The following DPEP2 variants were observed in gnomAD, a reference collection of about 807,000 sequenced individuals.
The protein encoded by DPEP2 is dipeptidase 2.
A neutral mutation model predicts 51.8 loss-of-function variants in DPEP2; 45 were observed. That is an observed-to-expected ratio of 0.87 (90% confidence interval 0.68 to 1.11). DPEP2 has a LOEUF of 1.11. DPEP2 is among the 50% of genes most tolerant of loss of function. The pLI is 0.00. For synonymous variants in DPEP2, 255 were observed against 262.7 expected (o/e 0.97, Z 0.28); for missense variants, 604 against 631.9 (o/e 0.96, Z 0.47).
intron 1 of DPEP2, 172 bp from the exon 2 acceptor site, chr16:67,993,429 C>T (rs1458204876): frequency 7.9e-7 from 1 of 1,260,380 alleles, no homozygotes; most frequent in Admixed American, 3.8e-5. Flanking sequence ...CCCAGCCCTC[C>T]CGCCGTCATC....
At position 67,991,055 on chromosome 16, in the gene DPEP2, G is replaced by C; in HGVS notation, c.733-58C>G. ...GGTGCACATGTGTATACATTTATTT[G>C]TAAGAAACAGCTGGGGTGTGCACAT... On this transcript the variant is annotated intron_variant, in intron 6 of 10. Coordinates refer to ENST00000393847, the MANE Select transcript of DPEP2 (RefSeq NM_022355.4). The surrounding 1 kb of genome is among the most constrained non-coding windows in gnomAD (Gnocchi z 5.1). 6.2e-7 allele frequency: 1 copy of C among 1,614,022 alleles called. No homozygotes were observed. The highest frequency in any genetic ancestry group is 8.5e-7 in the Non-Finnish European group (1 of 1,179,894).
upstream of DPEP2, among the ~76,000 whole-genome samples, chr16:68,000,170 G>A (rs1035433477): frequency 2.0e-5 from 3 of 152,154 alleles, no homozygotes; most frequent in African/African-American, 7.2e-5. Flanking sequence ...GCCAGGATAG[G>A]AAATCTTGCT....
intron 2 of DPEP2, 62 bp from the exon 3 acceptor site, chr16:67,992,698 G>A (rs1416004972): frequency 4.4e-6 from 7 of 1,578,444 alleles, no homozygotes; most frequent in Non-Finnish European, 6.0e-6. Context: ...TAGCCCTCCA[G>A]TTCAGGAAGG....
At chr16:67,996,030 G>T (rs1433565670) in intron 1 of DPEP2, among the ~76,000 whole-genome samples, 1 of 151,912 alleles carries the variant, frequency 6.6e-6, no homozygotes, top group Non-Finnish European at 1.5e-5. Flanking sequence ...CCATGAATAT[G>T]TGCAAATTAT....
In DPEP2 at chr16:67,992,300, A is replaced by ATGTAATGTACTGCTTCTTCCACAGGG. The variant is rs1381821068; in HGVS notation, c.391-133_391-108dup. 5.4e-6 allele frequency: 8 copies of ATGTAATGTACTGCTTCTTCCACAGGG among 1,488,702 alleles called. No homozygotes were observed. The East Asian group carries it at 1.8e-4, about 34-fold the overall frequency. 92.2% of individuals were successfully genotyped at this position (1,488,702 alleles called of 1,614,324 possible). ...AGCACCCAGTGGGCCAGGAGGCCAC[A>ATGTAATGTACTGCTTCTTCCACAGGG]TGTAATGTACTGCTTCTTCCACAGG... On this transcript the variant is annotated intron_variant, in intron 3 of 10. Coordinates refer to ENST00000393847, the MANE Select transcript of DPEP2 (RefSeq NM_022355.4).
chr16:67,995,951 G>A (rs373677916), intron 1 of DPEP2, among the ~76,000 whole-genome samples: 6 of 151,764 alleles, frequency 4.0e-5, no homozygotes, highest in African/African-American at 1.2e-4. Flanking sequence ...ATGACAGAGC[G>A]AGACCCTGTC....
At position 67,993,434 on chromosome 16, in the gene DPEP2, G is replaced by A. The variant is rs1598274896; in HGVS notation, c.-45-177C>T. 5.5e-6 allele frequency: 7 copies of A among 1,261,434 alleles called. No individual in the cohort carries two copies. The African/African-American group carries it at 7.8e-5, about 14-fold the overall frequency. 78.1% of individuals were successfully genotyped at this position (1,261,434 alleles called of 1,614,324 possible). A position where few individuals can be genotyped will look rare whatever the true frequency, so the allele number is the denominator to read the frequency against. Reference sequence around the variant, plus strand: ...CCAGGGGGCGCCCAGCCCTCCCGCCGTCATCCCCAAGGGCGCTCCCGCCGG... The same window carrying A: ...CCAGGGGGCGCCCAGCCCTCCCGCCATCATCCCCAAGGGCGCTCCCGCCGG... On this transcript the variant is annotated intron_variant, in intron 1 of 10. Transcript: ENST00000393847.
intron 1 of DPEP2, among the ~76,000 whole-genome samples, chr16:67,996,219 T>C (rs966547004): frequency 4.8e-5 from 7 of 147,232 alleles, no homozygotes; most frequent in Non-Finnish European, 1.0e-4. Context: ...TTTTTTTTTT[T>C]AGAGACAGGG....
rs1236835964 is a variant in DPEP2, at chr16:67,992,633, G to A, written c.267C>T (p.His89=). The change falls in exon 3 of 11, where the codon CAC becomes CAT. Residue 89 remains histidine, a synonymous_variant. Coordinates refer to ENST00000393847, the MANE Select transcript of DPEP2 (RefSeq NM_022355.4). ...LMRDFPLVDG[H]NDLPLVLRQV... is the part of the protein sequence containing the mutation. ...GCCTTAGGACCAGGGGCAGGTCGTT[G>A]TGGCTGGAGGGATGTCAAGCCAGGG... 5 of 1,612,812 alleles carry A rather than the reference G, an allele frequency of 3.1e-6. No individual in the cohort carries two copies. In the African/African-American group the frequency reaches 5.3e-5, roughly 17 times the overall value.
chr16:67,989,956 T>G, intron 8 of DPEP2, 91 bp downstream of exon 8: 2 of 1,377,526 alleles, frequency 1.5e-6, no homozygotes, highest in Non-Finnish European at 2.0e-6. Flanking sequence ...ACTGCATTTT[T>G]TTCAGTGAAA....
intron 3 of DPEP2, 105 bp from the exon 4 acceptor site, chr16:67,992,298 A>G (rs1313732746): frequency 6.7e-7 from 1 of 1,491,554 alleles, no homozygotes. Context: ...CCAGGAGGCC[A>G]CATGTAATGT....
At chr16:67,993,803 G>T (rs2032483794) in intron 1 of DPEP2, 7 of 985,674 alleles carry the variant, frequency 7.1e-6, no homozygotes, top group Non-Finnish European at 8.4e-6. Context: ...CTCTGGAAAT[G>T]AGGGGTTAAC....
At chr16:67,996,252 G>A (rs920392532) in intron 1 of DPEP2, among the ~76,000 whole-genome samples, 3 of 150,696 alleles carry the variant, frequency 2.0e-5, no homozygotes, top group African/African-American at 7.3e-5. Context: ...GCCCAGGCTG[G>A]TCAATTATTA....
intron 1 of DPEP2, among the ~76,000 whole-genome samples, chr16:67,997,763 G>C (rs559227599): frequency 1.3e-5 from 2 of 152,332 alleles, no homozygotes; most frequent in South Asian, 4.1e-4. Context: ...AGGGGGAGAA[G>C]CAGTGGGAAC....
At chr16:67,994,268 A>C (rs1598276996) in intron 1 of DPEP2, 1 of 985,328 alleles carries the variant, frequency 1.0e-6, no homozygotes. Context: ...AAGCCCTGCC[A>C]CCTGGGTTCT....
chr16:67,992,731 C>T (rs770417065), intron 2 of DPEP2, 95 bp from the exon 3 acceptor site: 4 of 1,546,638 alleles, frequency 2.6e-6, no homozygotes, highest in South Asian at 2.5e-5. Flanking sequence ...ATCCCCATCC[C>T]TCATTGTCAC....
Position 67,991,520 on chromosome 16 carries a change from G to A in DPEP2, c.662+318C>T. ...AGCCTCCTGAGTATCTGGGATTATA[G>A]GCACGCACCACCACACCTGGCTAAT... On this transcript the variant is annotated intron_variant, in intron 5 of 10. Transcript: ENST00000393847. This position sits in a 1 kb window ranked among gnomAD's most constrained non-coding sequence, Gnocchi z 5.1. 1 of 514,982 alleles carries A rather than the reference G, an allele frequency of 1.9e-6. No individual in the cohort carries two copies. Among genetic ancestry groups the A allele is most frequent in the Non-Finnish European group, 3.5e-6 (1 of 288,530 alleles). 31.9% of individuals were successfully genotyped at this position (514,982 alleles called of 1,614,324 possible).
rs2031568836 is a variant in DPEP2 at position 67,987,710 on chromosome 16, A to ATCC, written c.1254_1256dup (p.Pro418_Asp419insGlu). On this transcript the variant is annotated inframe_insertion, in exon 11 of 11. Coordinates refer to ENST00000393847, the MANE Select transcript of DPEP2 (RefSeq NM_022355.4). ...AGTGGCAGGAACTGCTCAGCTGCTC[A>ATCC]TCCGGGAACTTGTCCTCCAAGGGGC... 1.2e-6 allele frequency: 2 copies of ATCC among 1,614,028 alleles called. No individual in the cohort carries two copies. Among genetic ancestry groups the ATCC allele is most frequent in the South Asian group, 2.2e-5 (2 of 91,090 alleles).
rs750650655 is a variant in DPEP2, at chr16:67,991,148, G to A, written c.699C>T (p.Tyr233=). The A allele has an allele frequency of 4.3e-6, 7 of 1,614,030 alleles. 1 individual carries two copies. Residue 233 remains tyrosine (Y), a synonymous_variant, in exon 6 of 11, where the codon TAC becomes TAT. Coordinates refer to ENST00000393847, the MANE Select transcript of DPEP2 (RefSeq NM_022355.4). This position sits in a 1 kb window ranked among gnomAD's most constrained non-coding sequence, Gnocchi z 5.1. The part of the protein sequence containing the change: ...ESSAKGVHSF[Y]NNISGLTDFG... ...AGTCAGTCAGCCCGCTGATGTTGTT[G>A]TAGAAGGAGTGGACGCCCTTAGCGG...
Sources: allele counts gnomAD v4.1 joint callset (sites outside exome capture counted in the v4.1 genomes callset), GRCh38; gene constraint gnomAD v4.1.1; non-coding constraint Gnocchi (gnomAD v3.1); transcripts MANE v1.5; gene names NCBI Gene and HGNC (gene_info 2026-07-23, HGNC 2026-07-21).